Variants in DMD observed in about 807,000 individuals in gnomAD.
DMD encodes mutant dystrophin.
DMD carries 63 observed loss-of-function variants against 330.1 expected under a neutral mutation model. The ratio of observed to expected loss-of-function variants is 0.19; its 90% CI spans 0.16 to 0.24. The LOEUF is 0.24. Ranked by LOEUF, DMD falls within the 10% of genes least tolerant of loss-of-function variation. The pLI is 1.00. For synonymous variants in DMD, 1,223 were observed against 959.8 expected, an observed-to-expected ratio of 1.27 and a Z score of -5.07; for missense variants, 3,344 against 2,684.1, an observed-to-expected ratio of 1.25 and a Z score of -5.43.
chrX:31,343,715 G>A (rs746887679), intron 61 of DMD, among the ~76,000 whole-genome samples: 103 of 109,029 alleles, frequency 9.4e-4, no homozygotes, highest in Non-Finnish European at 1.6e-3. Context: ...GCTGGCGGGT[G>A]CAATTAGTAG....
At chrX:31,867,173 A>G (rs1271973686) in intron 48 of DMD, among the ~76,000 whole-genome samples, 3 of 105,869 alleles carry the variant, frequency 2.8e-5, no homozygotes, top group Non-Finnish European at 5.8e-5. Flanking sequence ...CATCTTTTCT[A>G]TTGGTCTTCT....
At chrX:32,818,341 G>A (rs1450934552) in intron 5 of DMD, among the ~76,000 whole-genome samples, 1 of 111,277 alleles carries the variant, frequency 9.0e-6, no homozygotes, top group Non-Finnish European at 1.9e-5. Flanking sequence ...CCTCAGCCTC[G>A]CTGTTATTGC....
intron 6 of DMD, among the ~76,000 whole-genome samples, chrX:32,813,775 CG>C (rs1436275353): frequency 9.0e-6 from 1 of 110,987 alleles, no homozygotes; most frequent in East Asian, 2.8e-4. Flanking sequence ...ATGATTTTCT[CG>C]TTTTTCATAT....
At chrX:33,031,022 G>T (rs932650000) in intron 1 of DMD, among the ~76,000 whole-genome samples, 1 of 111,354 alleles carries the variant, frequency 9.0e-6, no homozygotes, top group Non-Finnish European at 1.9e-5. Context: ...ATGGAGTAAA[G>T]GTTAATAAAA....
chrX:32,649,129 T>C (rs1406231038), intron 9 of DMD, among the ~76,000 whole-genome samples: 1 of 110,502 alleles, frequency 9.0e-6, no homozygotes, highest in Non-Finnish European at 1.9e-5. Context: ...TTTTTTTTTT[T>C]TCCCCCAAAA....
chrX:32,512,009 T>A (rs2045393439), intron 18 of DMD, among the ~76,000 whole-genome samples: 1 of 111,788 alleles, frequency 8.9e-6, no homozygotes, highest in African/African-American at 3.3e-5. Context: ...TATTGTGGGC[T>A]CATGAAAATT....
intron 2 of DMD, among the ~76,000 whole-genome samples, chrX:32,963,009 G>C (rs188598979): frequency 1.8e-5 from 2 of 111,461 alleles, no homozygotes; most frequent in African/African-American, 6.5e-5. Context: ...TGCAAGAAGC[G>C]TCAGGAGCCC....
chrX:33,143,796 C>G (rs180942095), intron 1 of DMD, among the ~76,000 whole-genome samples: 1 of 111,715 alleles, frequency 9.0e-6, no homozygotes, highest in East Asian at 2.8e-4. Flanking sequence ...CTCCTCCTAA[C>G]TTTGTACACA....
chrX:32,677,382 A>G (rs923734939), intron 9 of DMD, among the ~76,000 whole-genome samples: 1 of 111,663 alleles, frequency 9.0e-6, no homozygotes, highest in Non-Finnish European at 1.9e-5. Context: ...ACATGTGCAT[A>G]TTTCCACTGA....
intron 50 of DMD, among the ~76,000 whole-genome samples, chrX:31,814,819 T>G (rs762487459): frequency 8.9e-6 from 1 of 112,023 alleles, no homozygotes; most frequent in Admixed American, 9.5e-5. Context: ...CCTAAATGAT[T>G]GTGAAAGTCT....
chrX:32,926,752 C>CAAA (rs745877756), intron 2 of DMD, among the ~76,000 whole-genome samples: 3 of 41,552 alleles, frequency 7.2e-5, no homozygotes, highest in African/African-American at 1.8e-4. Context: ...ACTCCATCTC[C>CAAA]AAAAAAAAAA....
chrX:32,068,350 T>C (rs1164676514), intron 44 of DMD, among the ~76,000 whole-genome samples: 2 of 107,011 alleles, frequency 1.9e-5, no homozygotes, highest in Non-Finnish European at 3.8e-5. Context: ...AGAAGCTCTT[T>C]ATTTTAGTAA....
intron 44 of DMD, among the ~76,000 whole-genome samples, chrX:32,006,811 C>T (rs2095664616): frequency 9.1e-6 from 1 of 109,699 alleles, no homozygotes; most frequent in Admixed American, 9.8e-5. Flanking sequence ...AGACTTGGAA[C>T]CAACCCAAAT....
intron 47 of DMD, among the ~76,000 whole-genome samples, chrX:31,912,018 C>T (rs763443158): frequency 9.0e-6 from 1 of 111,388 alleles, no homozygotes; most frequent in Non-Finnish European, 1.9e-5. Context: ...CGGATTGTAA[C>T]GTGCAACAAA....
At position 31,647,215 on chromosome X, in the gene DMD, A is replaced by T. The variant is rs762002285; in HGVS notation, c.8027+10775T>A. Among the ~76,000 whole-genome samples the T allele has an allele frequency of 1.3e-4, 15 of 111,827 alleles. No individual in the cohort carries two copies. In the East Asian group the frequency reaches 3.1e-3, roughly 23 times the overall value. The stretch of plus-strand genomic sequence containing the variant: ...AAATATTGAAAAGGACAGAGCTGAG[A>T]TTAGATTACCGGGAATAGCTGCCTG... On this transcript the variant is annotated intron_variant, in intron 54 of 78. Transcript: ENST00000357033.
intron 44 of DMD, among the ~76,000 whole-genome samples, chrX:32,150,305 G>A (rs766798355): frequency 1.8e-5 from 2 of 112,336 alleles, no homozygotes; most frequent in South Asian, 7.4e-4. Flanking sequence ...ACACTCACTG[G>A]CACTCTCTTG....
chrX:31,926,850 C>T (rs140820221), intron 47 of DMD, among the ~76,000 whole-genome samples: 5,765 of 110,744 alleles, frequency 0.052, 108 homozygotes, highest in Non-Finnish European at 0.063. Flanking sequence ...ATATTCATGT[C>T]ACAGTAACTA....
chrX:31,378,461 G>A (rs748268217), intron 60 of DMD, among the ~76,000 whole-genome samples: 34 of 111,330 alleles, frequency 3.1e-4, no homozygotes, highest in African/African-American at 1.1e-3. Flanking sequence ...CAGGAGATGC[G>A]TTTTATCCGT....
At chrX:31,805,961 A>G (rs1362657765) in intron 50 of DMD, among the ~76,000 whole-genome samples, 1 of 112,219 alleles carries the variant, frequency 8.9e-6, no homozygotes, top group Non-Finnish European at 1.9e-5. Flanking sequence ...TCTTGCAAAC[A>G]CACTTTTATT....
Sources: allele counts gnomAD v4.1 joint callset (sites outside exome capture counted in the v4.1 genomes callset), GRCh38; gene constraint gnomAD v4.1.1; transcripts MANE v1.5; gene names NCBI Gene and HGNC (gene_info 2026-07-23, HGNC 2026-07-21).